Variants in WDPCP observed in about 807,000 individuals in gnomAD.
The protein encoded by WDPCP is WD repeat-containing and planar cell polarity effector protein fritz homolog.
WDPCP carries 71 observed loss-of-function variants against 93.1 expected under a neutral mutation model. The observed-to-expected ratio is 0.76, with a 90% CI of 0.63 to 0.93. The LOEUF is 0.93. Among genes scored for constraint, WDPCP ranks in the 40% least tolerant of loss-of-function variants. The pLI is 0.00. For synonymous variants in WDPCP, 315 were observed against 315.0 expected (o/e 1.00, Z 0.00); for missense variants, 844 against 887.4 (o/e 0.95, Z 0.62).
chr2:63,500,474 T>A (rs1239015046), intron 1 of WDPCP, among the ~76,000 whole-genome samples: 1 of 151,836 alleles, frequency 6.6e-6, no homozygotes, highest in Non-Finnish European at 1.5e-5. Context: ...TGTGTGTGTG[T>A]GTGTGTGTAA....
intron 2 of WDPCP, chr2:63,751,780 C>T (rs1290713231): frequency 6.4e-6 from 4 of 626,142 alleles, no homozygotes; most frequent in African/African-American, 1.8e-5. Flanking sequence ...TATTGGCCTC[C>T]AACACCACAG....
intron 14 of WDPCP, among the ~76,000 whole-genome samples, chr2:63,215,277 G>A (rs1053094682): frequency 1.3e-5 from 2 of 152,108 alleles, no homozygotes; most frequent in African/African-American, 4.8e-5. Flanking sequence ...GATCAGAACA[G>A]AGCCCTCAGA....
intron 14 of WDPCP, among the ~76,000 whole-genome samples, chr2:63,176,554 G>A (rs1251468968): frequency 6.6e-6 from 1 of 151,930 alleles, no homozygotes; most frequent in African/African-American, 2.4e-5. Flanking sequence ...GGCATTACAG[G>A]CATGAGCCAT....
chr2:63,476,082 C>T (rs934539820), intron 6 of WDPCP, among the ~76,000 whole-genome samples: 3 of 152,122 alleles, frequency 2.0e-5, no homozygotes, highest in Non-Finnish European at 4.4e-5. Flanking sequence ...AAACCCTCTG[C>T]ACCTTAAGCT....
At chr2:63,592,273 C>G (rs1286107630), upstream of WDPCP, among the ~76,000 whole-genome samples, 1 of 152,176 alleles carries the variant, frequency 6.6e-6, no homozygotes, top group Non-Finnish European at 1.5e-5. Flanking sequence ...ATAGTTGGAA[C>G]TATTGTGGTC....
At chr2:63,550,755 A>C (rs1158576891) in intron 1 of WDPCP, among the ~76,000 whole-genome samples, 1 of 140,996 alleles carries the variant, frequency 7.1e-6, no homozygotes, top group East Asian at 2.1e-4. Context: ...ATGTGTATAT[A>C]TATACACATA....
At chr2:63,568,860 A>T (rs189290880) in intron 1 of WDPCP, among the ~76,000 whole-genome samples, 212 of 152,344 alleles carry the variant, frequency 1.4e-3, no homozygotes, top group Non-Finnish European at 2.5e-3. Context: ...TATTTAGGCT[A>T]AATTGTGAGA....
chr2:63,780,087 G>A (rs752088647), intron 2 of WDPCP, among the ~76,000 whole-genome samples: 6 of 152,042 alleles, frequency 3.9e-5, no homozygotes, highest in African/African-American at 1.2e-4. Flanking sequence ...ACCCCCTCAC[G>A]GCTGTTTTGT....
chr2:63,545,471 G>A (rs1705084072), intron 1 of WDPCP, among the ~76,000 whole-genome samples: 1 of 152,010 alleles, frequency 6.6e-6, no homozygotes, highest in South Asian at 2.1e-4. Flanking sequence ...GCAAAGGTAT[G>A]CAATCAAATC....
chr2:63,285,233 A>T (rs1338460565), intron 13 of WDPCP, among the ~76,000 whole-genome samples: 1 of 152,180 alleles, frequency 6.6e-6, no homozygotes, highest in African/African-American at 2.4e-5. Flanking sequence ...GATCAAGACT[A>T]TCCTGGCTAA....
At chr2:63,196,758 G>A (rs1675466073) in intron 14 of WDPCP, among the ~76,000 whole-genome samples, 1 of 152,078 alleles carries the variant, frequency 6.6e-6, no homozygotes, top group South Asian at 2.1e-4. Context: ...CTTGACTCTT[G>A]GGGAAAAAAA....
At chr2:63,138,195 TTTTGTAC>T (rs1391452182) in intron 17 of WDPCP, among the ~76,000 whole-genome samples, 1 of 151,728 alleles carries the variant, frequency 6.6e-6, no homozygotes. Flanking sequence ...ATGATTAAAT[TTTTGTAC>T]TCATCCTTAA....
At chr2:63,387,265 A>G (rs946011067) in intron 10 of WDPCP, among the ~76,000 whole-genome samples, 2 of 152,272 alleles carry the variant, frequency 1.3e-5, no homozygotes, top group African/African-American at 4.8e-5. Flanking sequence ...CCAGCAGCAC[A>G]TCAAAATGAA....
At chr2:63,317,622 A>G (rs1686753847) in intron 12 of WDPCP, among the ~76,000 whole-genome samples, 1 of 152,134 alleles carries the variant, frequency 6.6e-6, no homozygotes, top group Non-Finnish European at 1.5e-5. Context: ...CCTGCAACCA[A>G]CCATCTGATC....
chr2:63,149,582 TAACAG>T (rs1671755232), intron 17 of WDPCP, among the ~76,000 whole-genome samples: 1 of 152,190 alleles, frequency 6.6e-6, no homozygotes, highest in African/African-American at 2.4e-5. Flanking sequence ...AAATGTCCAC[TAACAG>T]AAGAATGAAT....
At chr2:63,793,691 AT>A (rs1670575756) in intron 2 of WDPCP, among the ~76,000 whole-genome samples, 1 of 152,226 alleles carries the variant, frequency 6.6e-6, no homozygotes. Flanking sequence ...CTATACATGC[AT>A]CCCCGATAGT....
intron 12 of WDPCP, among the ~76,000 whole-genome samples, chr2:63,375,940 T>C (rs1691820797): frequency 6.6e-6 from 1 of 151,964 alleles, no homozygotes; most frequent in South Asian, 2.1e-4. Context: ...CCTATGATGG[T>C]CTTTACTGTT....
At chr2:63,592,679 A>T (rs187880622), upstream of WDPCP, among the ~76,000 whole-genome samples, 303 of 152,366 alleles carry the variant, frequency 2.0e-3, no homozygotes, top group Non-Finnish European at 3.2e-3. Context: ...AAAATATCTT[A>T]AAAAATTTTT....
At chr2:63,732,397 CA>C (rs572170455) in intron 2 of WDPCP, among the ~76,000 whole-genome samples, 307 of 152,056 alleles carry the variant, frequency 2.0e-3, no homozygotes, top group Non-Finnish European at 3.2e-3. Flanking sequence ...AATCATGCTA[CA>C]AAAAAAGGTG....
Sources: gnomAD v4.1 joint callset for allele counts (sites outside exome capture counted in the v4.1 genomes callset) on GRCh38, gnomAD v4.1.1 for gene constraint, MANE v1.5 for transcripts, NCBI Gene and HGNC (gene_info 2026-07-23, HGNC 2026-07-21) for gene names.